The following IPCEF1 variants were observed in gnomAD, a reference collection of about 807,000 sequenced individuals.
IPCEF1 encodes interactor protein for cytohesin exchange factors 1.
In IPCEF1, 31 loss-of-function variants were observed where a neutral mutation model predicts 50.9. The ratio of observed to expected loss-of-function variants is 0.61; its 90% CI spans 0.46 to 0.82. IPCEF1 has a LOEUF of 0.82. Among genes scored for constraint, IPCEF1 ranks in the 40% least tolerant of loss-of-function variants. The pLI is 0.00. For synonymous variants in IPCEF1, 181 were observed against 192.0 expected, an observed-to-expected ratio of 0.94 and a Z score of 0.47; for missense variants, 458 against 514.0, an observed-to-expected ratio of 0.89 and a Z score of 1.05.
chr6:154,250,868 T>C (rs1781320797), intron 3 of IPCEF1, among the ~76,000 whole-genome samples: 1 of 152,246 alleles, frequency 6.6e-6, no homozygotes, highest in South Asian at 2.1e-4. Context: ...CTTTTGTCAA[T>C]TTCTGTGGTA....
chr6:154,286,854 C>T (rs1451420304), intron 2 of IPCEF1, among the ~76,000 whole-genome samples: 2 of 152,228 alleles, frequency 1.3e-5, no homozygotes, highest in African/African-American at 4.8e-5. Flanking sequence ...CAAGATCATT[C>T]ATCACCACGT....
intron 11 of IPCEF1, among the ~76,000 whole-genome samples, chr6:154,164,284 G>A (rs73789357): frequency 0.042 from 6,409 of 152,090 alleles, 435 homozygotes; most frequent in African/African-American, 0.15. Context: ...TTCAACTTTG[G>A]GCATTAAGCT....
Position 154,354,717 on chromosome 6 carries a change from C to CCCCG in IPCEF1, c.-62+1951_-62+1954dup, listed in dbSNP as rs1249323029. Among the ~76,000 whole-genome samples, 3 of 152,100 alleles carry CCCCG rather than the reference C, an allele frequency of 2.0e-5. No individual in the cohort carries two copies. The East Asian group carries it at 5.8e-4, about 29-fold the overall frequency. On this transcript the variant is annotated intron_variant, in intron 1 of 11. Transcript: ENST00000367220. ...TTACTGACCTGGGGATTTTTCTGAT[C>CCCCG]CCCGTTCTACACACCCTTTCTTTAC...
At chr6:154,186,657 C>T (rs9371779) in intron 10 of IPCEF1, among the ~76,000 whole-genome samples, 9,679 of 151,892 alleles carry the variant, frequency 0.064, 394 homozygotes, top group South Asian at 0.2. Flanking sequence ...CCCGGGTTCG[C>T]GCCATTCTCC....
chr6:154,274,843 A>G (rs1482864992), intron 2 of IPCEF1, among the ~76,000 whole-genome samples: 1 of 152,190 alleles, frequency 6.6e-6, no homozygotes, highest in Admixed American at 6.5e-5. Flanking sequence ...TCCCCAGAAC[A>G]TGGGGTAGAC....
chr6:154,229,264 T>C (rs1276187282), intron 5 of IPCEF1, among the ~76,000 whole-genome samples: 1 of 152,000 alleles, frequency 6.6e-6, no homozygotes, highest in Non-Finnish European at 1.5e-5. Context: ...ATTTTTTGAA[T>C]GAATGAATGA....
chr6:154,183,619 G>C (rs886539713), intron 10 of IPCEF1, among the ~76,000 whole-genome samples: 40 of 152,118 alleles, frequency 2.6e-4, no homozygotes, highest in African/African-American at 9.7e-4. Context: ...AGAAAGATTG[G>C]GCTGGGTGGT....
Position 154,265,920 on chromosome 6 carries a change from T to G in IPCEF1, c.28A>C (p.Ser10Arg). 1 of 1,601,716 alleles carries G rather than the reference T, an allele frequency of 6.2e-7. No homozygotes were observed. Among genetic ancestry groups the G allele is most frequent in the East Asian group, 2.3e-5 (1 of 44,378 alleles). The change falls in exon 3 of 12, where the codon AGT (serine) becomes CGT (arginine). Residue 10 changes from serine (S) to arginine (R), a missense_variant. Transcript: ENST00000367220. MTSYMAIDG[S>R]ALQVPLRQKP... ...TTCCAAAGGATACTTACAAGAGCAC[T>G]GCCATCAATAGCCATGTATGATGTC...
At chr6:154,171,465 AG>A (rs1203570177) in intron 10 of IPCEF1, among the ~76,000 whole-genome samples, 1 of 151,894 alleles carries the variant, frequency 6.6e-6, no homozygotes, top group Non-Finnish European at 1.5e-5. Flanking sequence ...GGGGTCTGGG[AG>A]GGGACAAGCA....
At chr6:154,287,920 A>G (rs951625694) in intron 2 of IPCEF1, among the ~76,000 whole-genome samples, 1 of 152,382 alleles carries the variant, frequency 6.6e-6, no homozygotes, top group South Asian at 2.1e-4. Context: ...ATCAAATTTT[A>G]TGGTAAATAA....
At chr6:154,335,137 AC>A (rs1404285693) in intron 1 of IPCEF1, among the ~76,000 whole-genome samples, 1 of 152,116 alleles carries the variant, frequency 6.6e-6, no homozygotes, top group Non-Finnish European at 1.5e-5. Flanking sequence ...ACATAGTGAG[AC>A]CCTGTCTCTA....
chr6:154,287,604 T>A (rs935995095), intron 2 of IPCEF1, among the ~76,000 whole-genome samples: 1 of 152,160 alleles, frequency 6.6e-6, no homozygotes, highest in African/African-American at 2.4e-5. Context: ...CCCTCTGAGC[T>A]CAGAGCCTCC....
intron 2 of IPCEF1, among the ~76,000 whole-genome samples, chr6:154,273,346 G>A (rs1156356388): frequency 1.3e-5 from 2 of 152,170 alleles, no homozygotes; most frequent in African/African-American, 4.8e-5. Flanking sequence ...CGACAAGTAG[G>A]TAATCCATGT....
intron 10 of IPCEF1, among the ~76,000 whole-genome samples, chr6:154,197,828 T>G (rs541050424): frequency 1.1e-4 from 17 of 151,880 alleles, no homozygotes; most frequent in African/African-American, 3.6e-4. Context: ...TCCTGGGGGG[T>G]GTGTGTGTGT....
At chr6:154,204,311 C>T (rs1031169914) in intron 9 of IPCEF1, among the ~76,000 whole-genome samples, 23 of 152,060 alleles carry the variant, frequency 1.5e-4, no homozygotes, top group Non-Finnish European at 2.8e-4. Context: ...TGTAATTAGG[C>T]AGAAGTGAGT....
intron 3 of IPCEF1, among the ~76,000 whole-genome samples, chr6:154,264,594 A>G (rs1366259241): frequency 6.6e-6 from 1 of 152,088 alleles, no homozygotes; most frequent in Non-Finnish European, 1.5e-5. Context: ...GCTGGTCTCA[A>G]ATCTCCTGAC....
chr6:154,202,699 A>C (rs1777168554), intron 9 of IPCEF1, among the ~76,000 whole-genome samples: 1 of 152,214 alleles, frequency 6.6e-6, no homozygotes, highest in Non-Finnish European at 1.5e-5. Flanking sequence ...CTCTGCTTAA[A>C]GTATCAAGAC....
chr6:154,160,119 T>C, intron 11 of IPCEF1, 79 bp from the exon 12 acceptor site: 1 of 1,085,896 alleles, frequency 9.2e-7, no homozygotes, highest in Admixed American at 2.4e-5. Context: ...CCAACTCTTT[T>C]ACAAGTACAC....
chr6:154,184,758 A>G (rs1366177087), intron 10 of IPCEF1, among the ~76,000 whole-genome samples: 2 of 152,024 alleles, frequency 1.3e-5, no homozygotes, highest in African/African-American at 4.8e-5. Flanking sequence ...GGAAATCTTT[A>G]TTTTTTCTTG....
Sources: allele counts gnomAD v4.1 joint callset (sites outside exome capture counted in the v4.1 genomes callset), GRCh38; gene constraint gnomAD v4.1.1; transcripts MANE v1.5; gene names NCBI Gene and HGNC (gene_info 2026-07-23, HGNC 2026-07-21).